The following TRIQK variants were observed in gnomAD, a reference collection of about 807,000 sequenced individuals.
TRIQK encodes the protein triple QxxK/R motif containing.
A neutral mutation model predicts 10.8 loss-of-function variants in TRIQK; 10 were observed. That is an observed-to-expected ratio of 0.92 (90% CI 0.57 to 1.57). The LOEUF (loss-of-function observed/expected upper bound fraction) is 1.57, where lower values mean the gene tolerates loss of function less well. TRIQK is among the 40% of genes most tolerant of loss of function. The probability of loss-of-function intolerance (pLI) is 0.00; values close to 1 mark genes in which losing one functional copy is unlikely to be tolerated. For synonymous variants in TRIQK, 33 were observed against 33.7 expected (o/e 0.98, Z 0.07); for missense variants, 107 against 97.7 (o/e 1.09, Z -0.40).
chr8:92,905,213 C>T (rs1037782788), intron 3 of TRIQK, among the ~76,000 whole-genome samples: 1 of 151,876 alleles, frequency 6.6e-6, no homozygotes. Context: ...AAGAAAAATA[C>T]CAGTATATAG....
intron 1 of TRIQK, among the ~76,000 whole-genome samples, chr8:92,976,180 A>C (rs1461448188): frequency 6.6e-6 from 1 of 151,986 alleles, no homozygotes; most frequent in Non-Finnish European, 1.5e-5. Context: ...GTTGGTTAAT[A>C]GAGTTGTTCA....
intron 1 of TRIQK, among the ~76,000 whole-genome samples, chr8:93,015,063 A>G (rs991907689): frequency 6.6e-6 from 1 of 152,040 alleles, no homozygotes; most frequent in Non-Finnish European, 1.5e-5. Flanking sequence ...GACCTTTTAA[A>G]GACTATCAAA....
intron 1 of TRIQK, among the ~76,000 whole-genome samples, chr8:92,993,077 C>T (rs1234220123): frequency 6.6e-6 from 1 of 152,102 alleles, no homozygotes; most frequent in Non-Finnish European, 1.5e-5. Context: ...TCTAAGAGAC[C>T]TATTTGATTT....
At chr8:92,907,203 A>G (rs571328976) in intron 3 of TRIQK, among the ~76,000 whole-genome samples, 1 of 152,306 alleles carries the variant, frequency 6.6e-6, no homozygotes, top group Non-Finnish European at 1.5e-5. Flanking sequence ...TTTCTCTGGA[A>G]TCATGGCTAT....
intron 3 of TRIQK, among the ~76,000 whole-genome samples, chr8:92,909,008 A>C (rs1006114050): frequency 6.6e-5 from 10 of 152,058 alleles, no homozygotes; most frequent in African/African-American, 2.4e-4. Flanking sequence ...AAAGTAACAC[A>C]ATTTGTCATA....
intron 1 of TRIQK, among the ~76,000 whole-genome samples, chr8:92,958,331 G>T (rs761298351): frequency 2.0e-5 from 3 of 151,782 alleles, no homozygotes; most frequent in Non-Finnish European, 4.4e-5. Context: ...AATCAATTAC[G>T]TACTTTCTCT....
chr8:92,885,993 G>A lies in TRIQK; in HGVS notation c.*629C>T, dbSNP rs962292648. ...TTACACCAGTTCAGACAGCCCAAGA[G>A]GAAAAGAACTCTATTTTAGAGACAT... On this transcript the variant is annotated 3_prime_UTR_variant, in exon 5 of 5. Coordinates refer to ENST00000521988, the MANE Select transcript of TRIQK (RefSeq NM_001171797.2). 2.6e-5 allele frequency: 4 copies of A among 151,618 alleles called. No individual in the cohort carries two copies. The highest frequency in any genetic ancestry group is 2.0e-4 in the Admixed American group (3 of 15,160). The allele number at this position is 151,618 out of a possible 1,614,324, so 9.4% of individuals were successfully genotyped here.
intron 3 of TRIQK, among the ~76,000 whole-genome samples, chr8:92,910,616 TTAAAA>T (rs1213621615): frequency 7.1e-4 from 107 of 150,908 alleles, no homozygotes; most frequent in African/African-American, 2.5e-3. Flanking sequence ...AATTTATAGA[TTAAAA>T]TAAAGGGATA....
At chr8:92,940,091 C>T (rs1811191899) in intron 2 of TRIQK, among the ~76,000 whole-genome samples, 3 of 152,116 alleles carry the variant, frequency 2.0e-5, no homozygotes, top group Admixed American at 2.0e-4. Context: ...TCTGACATCA[C>T]AGCGAAGGTA....
At chr8:92,983,660 CACTT>C (rs944709462) in intron 1 of TRIQK, among the ~76,000 whole-genome samples, 4 of 152,022 alleles carry the variant, frequency 2.6e-5, no homozygotes, top group African/African-American at 9.7e-5. Context: ...CACATGTTCT[CACTT>C]ACTGGGAGAG....
intron 1 of TRIQK, chr8:92,965,489 G>C (rs1330244068): frequency 6.6e-6 from 1 of 152,292 alleles, no homozygotes; most frequent in Admixed American, 6.5e-5. Flanking sequence ...GCAGGAAAAA[G>C]AGTGAAGAGG....
Position 92,923,048 on chromosome 8 carries a change from T to A in TRIQK, c.-21-6038A>T. 1.3e-5 allele frequency among the ~76,000 whole-genome samples: 2 copies of A among 151,830 alleles called. 1 individual carries two copies. The highest frequency in any genetic ancestry group is 4.1e-4 in the South Asian group (2 of 4,826). On this transcript the variant is annotated intron_variant, in intron 2 of 4. Coordinates refer to ENST00000521988, the MANE Select transcript of TRIQK (RefSeq NM_001171797.2). ...TAGCTGCAAGAAACACACAAAAAAATAGAAAGCATTTTGCCTTACTAATAA... is the reference window on the plus strand; with the variant it reads ...TAGCTGCAAGAAACACACAAAAAAAAAGAAAGCATTTTGCCTTACTAATAA...
At chr8:92,895,288 C>T (rs1808534561) in intron 3 of TRIQK, among the ~76,000 whole-genome samples, 1 of 152,158 alleles carries the variant, frequency 6.6e-6, no homozygotes, top group African/African-American at 2.4e-5. Context: ...TACACATTTT[C>T]TAATCTCAAA....
intron 3 of TRIQK, among the ~76,000 whole-genome samples, chr8:92,904,062 AT>A (rs1172743209): frequency 6.6e-6 from 1 of 152,094 alleles, no homozygotes; most frequent in Non-Finnish European, 1.5e-5. Context: ...GATAGAAGCA[AT>A]TTCAAATATT....
chr8:93,000,848 T>C (rs1451599417), intron 1 of TRIQK, among the ~76,000 whole-genome samples: 3 of 127,916 alleles, frequency 2.3e-5, no homozygotes, highest in Non-Finnish European at 3.3e-5. Flanking sequence ...ATTCAAAACA[T>C]AGCACTACAG....
At chr8:92,925,008 A>G (rs2130512452) in intron 2 of TRIQK, among the ~76,000 whole-genome samples, 1 of 152,234 alleles carries the variant, frequency 6.6e-6, no homozygotes, top group Non-Finnish European at 1.5e-5. Flanking sequence ...AATCCTGATC[A>G]CTTGCCAACA....
chr8:92,977,195 G>A lies in TRIQK; in HGVS notation c.-180-22631C>T, dbSNP rs1325606958. Among the ~76,000 whole-genome samples the A allele has an allele frequency of 4.6e-5, 7 of 151,846 alleles. No homozygotes were observed. In the East Asian group the frequency reaches 1.3e-3, roughly 29 times the overall value. On this transcript the variant is annotated intron_variant, in intron 1 of 4. Coordinates refer to the TRIQK transcript ENST00000520686. ...CTGGTGATGAAGTCTTTCACCTTTT[G>A]TATGTCTAAATAAGTCTTTATGTTT...
chr8:92,969,784 T>C (rs1253377993), upstream of TRIQK, among the ~76,000 whole-genome samples: 1 of 119,602 alleles, frequency 8.4e-6, no homozygotes, highest in Non-Finnish European at 1.6e-5. Context: ...TTAAAAAAAA[T>C]TAATTTTTTT....
At chr8:92,923,387 A>G (rs1810284757) in intron 2 of TRIQK, among the ~76,000 whole-genome samples, 1 of 151,778 alleles carries the variant, frequency 6.6e-6, no homozygotes, top group Non-Finnish European at 1.5e-5. Flanking sequence ...TAGCATGTAC[A>G]ATACCAAGAT....
Sources: gnomAD v4.1 joint callset for allele counts (sites outside exome capture counted in the v4.1 genomes callset) on GRCh38, gnomAD v4.1.1 for gene constraint, MANE v1.5 for transcripts, NCBI Gene and HGNC (gene_info 2026-07-23, HGNC 2026-07-21) for gene names.